GNG7: variants seen among roughly 807,000 people sequenced by gnomAD.
GNG7 encodes G protein subunit gamma 7.
In GNG7, 1 loss-of-function variant was observed where a neutral mutation model predicts 4.0. That is an observed-to-expected ratio of 0.25 (90% CI 0.09 to 1.18). The LOEUF (loss-of-function observed/expected upper bound fraction) is 1.18, where lower values mean the gene tolerates loss of function less well. Among genes scored for constraint, GNG7 ranks in the 50% most tolerant of loss-of-function variants. GNG7 has a pLI of 0.50. For synonymous variants in GNG7, 34 were observed against 36.9 expected (o/e 0.92, Z 0.29); for missense variants, 86 against 91.9 (o/e 0.94, Z 0.26).
chr19:2,630,049 A>G (rs1982118703), intron 2 of GNG7, among the ~76,000 whole-genome samples: 1 of 151,650 alleles, frequency 6.6e-6, no homozygotes, highest in African/African-American at 2.4e-5. Flanking sequence ...GTGGAGACAC[A>G]TTTAGGTGTA....
chr19:2,696,323 AAAG>A (rs1224319966), intron 1 of GNG7, among the ~76,000 whole-genome samples: 2 of 146,262 alleles, frequency 1.4e-5, no homozygotes, highest in Non-Finnish European at 3.0e-5. Flanking sequence ...AGAAAGAAAG[AAAG>A]AAAGAAAGAA....
At chr19:2,515,950 C>T (rs1220645286) in intron 4 of GNG7, among the ~76,000 whole-genome samples, 1 of 151,772 alleles carries the variant, frequency 6.6e-6, no homozygotes, top group Non-Finnish European at 1.5e-5. Context: ...TGCGGTGGCT[C>T]ACACCTGTAA....
intron 1 of GNG7, among the ~76,000 whole-genome samples, chr19:2,671,814 G>A (rs1046258571): frequency 1.3e-5 from 2 of 151,666 alleles, no homozygotes; most frequent in African/African-American, 2.4e-5. Context: ...GTCTCTGGGA[G>A]GCCGAGGCGG....
chr19:2,670,162 G>C (rs1983415291), intron 1 of GNG7, among the ~76,000 whole-genome samples: 1 of 152,054 alleles, frequency 6.6e-6, no homozygotes, highest in Non-Finnish European at 1.5e-5. Context: ...TTAATATTTT[G>C]TTGGAGGAAC....
intron 2 of GNG7, chr19:2,643,798 A>G (rs1599438436): frequency 2.7e-6 from 1 of 373,900 alleles, no homozygotes; most frequent in South Asian, 2.0e-5. Flanking sequence ...TTCTACAGCT[A>G]TGCAACCATC....
In GNG7 at chr19:2,513,413, TCTCAGGTGTGGC is replaced by T; in HGVS notation, c.*1597_*1608del. 1.3e-6 allele frequency: 1 copy of T among 768,166 alleles called. No individual in the cohort carries two copies. The highest frequency in any genetic ancestry group is 1.6e-6 in the Non-Finnish European group (1 of 631,746). 47.6% of individuals were successfully genotyped at this position (768,166 alleles called of 1,614,324 possible). The stretch of plus-strand genomic sequence containing the variant: ...TGCGATCAGGGCTGCGTGGGGTCCA[TCTCAGGTGTGGC>T]CGCAGGTGATGCCGGCAGGCCCTGG... On this transcript the variant is annotated 3_prime_UTR_variant, in exon 5 of 5. Transcript: ENST00000382159.
intron 2 of GNG7, among the ~76,000 whole-genome samples, chr19:2,629,209 T>C (rs763135325): frequency 6.6e-6 from 1 of 152,200 alleles, no homozygotes; most frequent in Non-Finnish European, 1.5e-5. Context: ...TAGGTCTCTC[T>C]GAAGGTTGAG....
chr19:2,533,599 A>G (rs922015147), intron 3 of GNG7, among the ~76,000 whole-genome samples: 1 of 152,222 alleles, frequency 6.6e-6, no homozygotes, highest in African/African-American at 2.4e-5. Context: ...ACAAAAATCA[A>G]CAAACAAAAG....
At chr19:2,623,470 A>G (rs1001363091) in intron 2 of GNG7, among the ~76,000 whole-genome samples, 1 of 152,214 alleles carries the variant, frequency 6.6e-6, no homozygotes, top group Non-Finnish European at 1.5e-5. Context: ...GATAAACAGC[A>G]TGGTGCATCT....
At chr19:2,579,019 G>A (rs911710307) in intron 2 of GNG7, among the ~76,000 whole-genome samples, 3 of 152,134 alleles carry the variant, frequency 2.0e-5, no homozygotes, top group African/African-American at 7.2e-5. Flanking sequence ...GGAAATGGCT[G>A]GGAGAGGGAG....
At chr19:2,667,392 G>A (rs185812868) in intron 1 of GNG7, among the ~76,000 whole-genome samples, 3 of 152,194 alleles carry the variant, frequency 2.0e-5, no homozygotes, top group East Asian at 1.9e-4. Flanking sequence ...TGCAGAAAAC[G>A]GCTGTTTCTT....
Position 2,514,123 on chromosome 19 carries a change from G to A in GNG7, c.*899C>T, listed in dbSNP as rs974242121. ...GAGGCAGGAGAATCGCTTGAACCGGGGAGGCAGAGGTTGCGGTGAGCTGAA... is the reference window on the plus strand; with the variant it reads ...GAGGCAGGAGAATCGCTTGAACCGGAGAGGCAGAGGTTGCGGTGAGCTGAA... On this transcript the variant is annotated 3_prime_UTR_variant, in exon 5 of 5. Transcript: ENST00000382159. 1 of 152,488 alleles carries A rather than the reference G, an allele frequency of 6.6e-6. No homozygotes were observed. Among genetic ancestry groups the A allele is most frequent in the African/African-American group, 2.4e-5 (1 of 41,514 alleles). The allele number at this position is 152,488 out of a possible 1,614,324, so 9.4% of individuals were successfully genotyped here.
chr19:2,661,496 T>TA (rs796549303), intron 1 of GNG7, among the ~76,000 whole-genome samples: 216 of 149,424 alleles, frequency 1.4e-3, no homozygotes, highest in African/African-American at 4.9e-3. Flanking sequence ...CTATCTCTAC[T>TA]AAAAAAAAAT....
intron 2 of GNG7, among the ~76,000 whole-genome samples, chr19:2,571,455 C>G (rs1980143112): frequency 6.6e-6 from 1 of 152,122 alleles, no homozygotes; most frequent in Non-Finnish European, 1.5e-5. Flanking sequence ...CTCAATCTGC[C>G]TGCAGAGGCG....
chr19:2,525,890 A>C (rs1022261572), intron 3 of GNG7, among the ~76,000 whole-genome samples: 12 of 150,880 alleles, frequency 8.0e-5, no homozygotes, highest in Admixed American at 3.3e-4. Flanking sequence ...GCTCACTGCA[A>C]CCTCCGCCTT....
rs1338596070 is a variant in GNG7, at chr19:2,660,719, A to C, written c.-134-14439T>G. Among the ~76,000 whole-genome samples the C allele has an allele frequency of 2.6e-5, 4 of 152,164 alleles. No homozygotes were observed. The East Asian group carries it at 7.7e-4, about 29-fold the overall frequency. On this transcript the variant is annotated intron_variant, in intron 1 of 4. Coordinates refer to ENST00000382159, the MANE Select transcript of GNG7 (RefSeq NM_052847.3). ...GGCAGGAGGATCACTGGAGCCCAGG[A>C]GTTCAAGACTGTGGGGAGCCATGCT...
intron 3 of GNG7, among the ~76,000 whole-genome samples, chr19:2,539,663 G>A (rs760674559): frequency 2.0e-5 from 3 of 151,994 alleles, no homozygotes; most frequent in South Asian, 2.1e-4. Context: ...CACCTGACAC[G>A]GTCCCAGTGG....
At chr19:2,533,387 CAG>C (rs376321698) in intron 3 of GNG7, among the ~76,000 whole-genome samples, 49 of 152,012 alleles carry the variant, frequency 3.2e-4, no homozygotes, top group Middle Eastern at 3.4e-3. Context: ...GAAATGAAAA[CAG>C]AGGTTGCTGC....
chr19:2,651,368 CAT>C (rs1982820846), intron 1 of GNG7, among the ~76,000 whole-genome samples: 13 of 85,938 alleles, frequency 1.5e-4, no homozygotes, highest in Non-Finnish European at 1.9e-4. Context: ...CCCTTCCCTC[CAT>C]CCCTCCCTCC....
Sources: allele counts gnomAD v4.1 joint callset (sites outside exome capture counted in the v4.1 genomes callset), GRCh38; gene constraint gnomAD v4.1.1; transcripts MANE v1.5; gene names NCBI Gene and HGNC (gene_info 2026-07-23, HGNC 2026-07-21).